HEMK1: variants seen among roughly 807,000 people sequenced by gnomAD.
HEMK1 encodes the protein MTRF1L release factor glutamine methyltransferase.
In HEMK1, 36 loss-of-function variants were observed where a neutral mutation model predicts 47.9. The ratio of observed to expected loss-of-function variants is 0.75; its 90% CI spans 0.58 to 0.99. The LOEUF (loss-of-function observed/expected upper bound fraction) is 0.99, where lower values mean the gene tolerates loss of function less well. Among genes scored for constraint, HEMK1 ranks in the 50% least tolerant of loss-of-function variants. HEMK1 has a pLI of 0.00. For missense variants in HEMK1, 383 were observed against 434.5 expected, an observed-to-expected ratio of 0.88 and a Z score of 1.05; for synonymous variants, 153 against 165.4, an observed-to-expected ratio of 0.93 and a Z score of 0.57.
At position 50,571,022 on chromosome 3, in the gene HEMK1, A is replaced by T; in HGVS notation, c.-83A>T. 9.2e-7 allele frequency: 1 copy of T among 1,084,360 alleles called. No individual in the cohort carries two copies. Among genetic ancestry groups the T allele is most frequent in the South Asian group, 1.6e-5 (1 of 62,208 alleles). 67.2% of individuals were successfully genotyped at this position (1,084,360 alleles called of 1,614,324 possible). A position where few individuals can be genotyped will look rare whatever the true frequency, so the allele number is the denominator to read the frequency against. On this transcript the variant is annotated 5_prime_UTR_variant, in exon 2 of 11. Coordinates refer to ENST00000232854, the MANE Select transcript of HEMK1 (RefSeq NM_016173.5). Reference sequence around the variant, plus strand: ...CTCCACCCAGCTGGGTCCAGGGGCCACTCTCAGCACTCACCTCAGCAGCTG... The same window carrying T: ...CTCCACCCAGCTGGGTCCAGGGGCCTCTCTCAGCACTCACCTCAGCAGCTG...
At chr3:50,578,971 G>T in intron 8 of HEMK1, 45 bp downstream of exon 8, 1 of 1,428,664 alleles carries the variant, frequency 7.0e-7, no homozygotes, top group Admixed American at 1.8e-5. Context: ...GAAAAGGCCT[G>T]ATGGGATTAG....
At position 50,572,106 on chromosome 3, in the gene HEMK1, C is replaced by T; in HGVS notation, c.321-9C>T. ...GTCCCTGATGACCACCCAGCTGCCC[C>T]CTCTGCAGGATGCCGGTGCAGTACA... is the stretch of plus-strand genomic sequence containing the variant. On this transcript the variant is annotated splice_polypyrimidine_tract_variant and intron_variant, in intron 3 of 10. Transcript: ENST00000232854. The T allele has an allele frequency of 1.2e-6, 2 of 1,613,846 alleles. No individual in the cohort carries two copies. The highest frequency in any genetic ancestry group is 1.7e-6 in the Non-Finnish European group (2 of 1,179,920).
chr3:50,578,905 A>C lies in HEMK1; in HGVS notation c.749A>C (p.Gln250Pro), dbSNP rs772633941. Residue 250 changes from glutamine (Q) to proline (P), a missense_variant, in exon 8 of 11, where the codon CAG (glutamine) becomes CCG (proline). Gln to Pro is a moderately conservative substitution (Grantham distance 76, BLOSUM62 -1). Transcript: ENST00000232854. ...PPYVFHQDME[Q>P]LAPEIRSYED... is the part of the protein sequence containing the mutation. ...TACGTCTTCCACCAGGACATGGAGC[A>C]GCTGGCCCCTGAGATCCGCAGGTGC... The C allele has an allele frequency of 1.9e-6, 3 of 1,612,490 alleles. No homozygotes were observed. In the South Asian group the frequency reaches 3.3e-5, roughly 18 times the overall value.
At chr3:50,570,790 A>G in intron 1 of HEMK1, 141 bp from the exon 2 acceptor site, 1 of 257,736 alleles carries the variant, frequency 3.9e-6, no homozygotes, top group Non-Finnish European at 7.4e-6. Flanking sequence ...CAAGACAAGA[A>G]TGATCAAATA....
intron 4 of HEMK1, among the ~76,000 whole-genome samples, chr3:50,573,221 A>G (rs1345079352): frequency 6.6e-6 from 1 of 152,104 alleles, no homozygotes; most frequent in African/African-American, 2.4e-5. Context: ...GGAAGGGAGC[A>G]TGGGGGCAGC....
chr3:50,590,809 A>G lies in HEMK1; in HGVS notation c.*10392A>G, dbSNP rs1328654379. Reference sequence around the variant, plus strand: ...TGGTTGCCCCAAGTACTCCATGAGTAGACATGGGCTAGGGACTTACCCAGG... The same window carrying G: ...TGGTTGCCCCAAGTACTCCATGAGTGGACATGGGCTAGGGACTTACCCAGG... On this transcript the variant is annotated 3_prime_UTR_variant, in exon 11 of 11. Transcript: ENST00000232854. 2 of 152,206 alleles carry G rather than the reference A, an allele frequency of 1.3e-5. No homozygotes were observed. Among genetic ancestry groups the G allele is most frequent in the African/African-American group, 2.4e-5 (1 of 41,438 alleles). The allele number at this position is 152,206 out of a possible 1,614,324, so 9.4% of individuals were successfully genotyped here. A position where few individuals can be genotyped will look rare whatever the true frequency, so the allele number is the denominator to read the frequency against.
rs1346278907 is a variant in HEMK1 at position 50,591,914 on chromosome 3, C to CA, written c.*11498dup. The CA allele has an allele frequency of 6.6e-6, 1 of 152,062 alleles. No individual in the cohort carries two copies. Among genetic ancestry groups the CA allele is most frequent in the Non-Finnish European group, 1.5e-5 (1 of 68,072 alleles). The allele number at this position is 152,062 out of a possible 1,614,324, so 9.4% of individuals were successfully genotyped here. A position where few individuals can be genotyped will look rare whatever the true frequency, so the allele number is the denominator to read the frequency against. On this transcript the variant is annotated 3_prime_UTR_variant, in exon 11 of 11. Coordinates refer to ENST00000232854, the MANE Select transcript of HEMK1 (RefSeq NM_016173.5). Reference sequence around the variant, plus strand: ...AGGAGATCGAGACCATCCTGACTAACACGGTGAAACCCTGTCTCTACTAAA... The same window carrying CA: ...AGGAGATCGAGACCATCCTGACTAACAACGGTGAAACCCTGTCTCTACTAAA...
intron 3 of HEMK1, 57 bp from the exon 4 acceptor site, chr3:50,572,058 A>G (rs1701038946): frequency 6.2e-7 from 1 of 1,609,688 alleles, no homozygotes; most frequent in Non-Finnish European, 8.5e-7. Flanking sequence ...CAACCCAGGC[A>G]TGGTCCTGTT....
rs2031960086 is a variant in HEMK1, at chr3:50,596,135, A to C, written c.*15718A>C. On this transcript the variant is annotated 3_prime_UTR_variant, in exon 11 of 11. Transcript: ENST00000232854. ...CCTTAGAGTGTATCACAAACATACA[A>C]GTGATCAATTTCCAATAAATTGATT... 1 of 152,208 alleles carries C rather than the reference A, an allele frequency of 6.6e-6. No individual in the cohort carries two copies. Among genetic ancestry groups the C allele is most frequent in the African/African-American group, 2.4e-5 (1 of 41,456 alleles). 9.4% of individuals were successfully genotyped at this position (152,208 alleles called of 1,614,324 possible).
In HEMK1 at chr3:50,589,365, A is replaced by T. The variant is rs1197201128; in HGVS notation, c.*8948A>T. Reference sequence around the variant, plus strand: ...CTCTGAGCACATAGGAAGGATTCTAATGTGTCATAATTTGGTGCTGTGCCC... The same window carrying T: ...CTCTGAGCACATAGGAAGGATTCTATTGTGTCATAATTTGGTGCTGTGCCC... On this transcript the variant is annotated 3_prime_UTR_variant, in exon 11 of 11. Coordinates refer to ENST00000232854, the MANE Select transcript of HEMK1 (RefSeq NM_016173.5). 2 of 152,068 alleles carry T rather than the reference A, an allele frequency of 1.3e-5. No homozygotes were observed. The highest frequency in any genetic ancestry group is 1.3e-4 in the Admixed American group (2 of 15,288). 9.4% of individuals were successfully genotyped at this position (152,068 alleles called of 1,614,324 possible).
In HEMK1 at chr3:50,581,685, C is replaced by T. The variant is rs1316056249; in HGVS notation, c.*1268C>T. On this transcript the variant is annotated 3_prime_UTR_variant, in exon 11 of 11. Coordinates refer to ENST00000232854, the MANE Select transcript of HEMK1 (RefSeq NM_016173.5). ...GGAGAGCAAGAGAAGGTATGTACTG[C>T]CTGAGGTCACATGACAGTGACCAAG... The T allele has an allele frequency of 6.6e-6, 1 of 152,266 alleles. No homozygotes were observed. Among genetic ancestry groups the T allele is most frequent in the African/African-American group, 2.4e-5 (1 of 41,462 alleles). The allele number at this position is 152,266 out of a possible 1,614,324, so 9.4% of individuals were successfully genotyped here. A position where few individuals can be genotyped will look rare whatever the true frequency, so the allele number is the denominator to read the frequency against.
intron 4 of HEMK1, 61 bp downstream of exon 4, chr3:50,572,269 T>G (rs1307945994): frequency 1.3e-6 from 2 of 1,568,508 alleles, no homozygotes; most frequent in African/African-American, 2.7e-5. Context: ...GGCACCAGTC[T>G]TACCCCAGGC....
In HEMK1 at chr3:50,581,848, C is replaced by T. The variant is rs1373181361; in HGVS notation, c.*1431C>T. 6.6e-6 allele frequency: 1 copy of T among 152,380 alleles called. No individual in the cohort carries two copies. The highest frequency in any genetic ancestry group is 6.5e-5 in the Admixed American group (1 of 15,288). The allele number at this position is 152,380 out of a possible 1,614,324, so 9.4% of individuals were successfully genotyped here. A position where few individuals can be genotyped will look rare whatever the true frequency, so the allele number is the denominator to read the frequency against. ...CTGCAGCTCCCAGTGCCCCAGTGTC[C>T]TGCCCTGTGCCCAGCCCCAGCTGCA... is the stretch of plus-strand genomic sequence containing the variant. On this transcript the variant is annotated 3_prime_UTR_variant, in exon 11 of 11. Coordinates refer to ENST00000232854, the MANE Select transcript of HEMK1 (RefSeq NM_016173.5).
At position 50,571,042 on chromosome 3, in the gene HEMK1, C is replaced by A; in HGVS notation, c.-63C>A. On this transcript the variant is annotated 5_prime_UTR_variant, in exon 2 of 11. Coordinates refer to ENST00000232854, the MANE Select transcript of HEMK1 (RefSeq NM_016173.5). ...GGGCCACTCTCAGCACTCACCTCAG[C>A]AGCTGACATCATAAAGCAGACTTGG... is the stretch of plus-strand genomic sequence containing the variant. 2 of 1,305,448 alleles carry A rather than the reference C, an allele frequency of 1.5e-6. No individual in the cohort carries two copies. The highest frequency in any genetic ancestry group is 1.1e-6 in the Non-Finnish European group (1 of 940,122). The allele number at this position is 1,305,448 out of a possible 1,614,324, so 80.9% of individuals were successfully genotyped here.
At chr3:50,573,193 A>T (rs1268289769) in intron 4 of HEMK1, among the ~76,000 whole-genome samples, 4 of 151,912 alleles carry the variant, frequency 2.6e-5, no homozygotes, top group Non-Finnish European at 5.9e-5. Context: ...GGCCTTGCTG[A>T]AGTCACAGGG....
Position 50,591,786 on chromosome 3 carries a change from GC to G in HEMK1, c.*11373del, listed in dbSNP as rs1428806141. ...CAGAGCCCATGTAAGCTCAAACACTGCCCCATGTCATAGAAAAGAGGGCCAA... is the reference window on the plus strand; with the variant it reads ...CAGAGCCCATGTAAGCTCAAACACTGCCCATGTCATAGAAAAGAGGGCCAA... On this transcript the variant is annotated 3_prime_UTR_variant, in exon 11 of 11. Coordinates refer to ENST00000232854, the MANE Select transcript of HEMK1 (RefSeq NM_016173.5). 1 of 151,732 alleles carries G rather than the reference GC, an allele frequency of 6.6e-6. No individual in the cohort carries two copies. The highest frequency in any genetic ancestry group is 1.5e-5 in the Non-Finnish European group (1 of 68,044). 9.4% of individuals were successfully genotyped at this position (151,732 alleles called of 1,614,324 possible).
At position 50,592,415 on chromosome 3, in the gene HEMK1, G is replaced by A. The variant is rs2031771498; in HGVS notation, c.*11998G>A. The A allele has an allele frequency of 6.6e-6, 1 of 152,106 alleles. No individual in the cohort carries two copies. The highest frequency in any genetic ancestry group is 1.5e-5 in the Non-Finnish European group (1 of 68,030). The allele number at this position is 152,106 out of a possible 1,614,324, so 9.4% of individuals were successfully genotyped here. On this transcript the variant is annotated 3_prime_UTR_variant, in exon 11 of 11. Transcript: ENST00000232854. ...CTTTGCTTAGCTGTACTGGGCACCT[G>A]GAACTCATTCTCCCTGCCACCCTCC... is the stretch of plus-strand genomic sequence containing the variant.
intron 4 of HEMK1, among the ~76,000 whole-genome samples, chr3:50,574,774 G>C (rs1175196230): frequency 4.6e-5 from 7 of 152,162 alleles, no homozygotes; most frequent in Non-Finnish European, 7.4e-5. Flanking sequence ...GGGCTGGTGA[G>C]AGCTAGTGAA....
At position 50,583,488 on chromosome 3, in the gene HEMK1, C is replaced by T. The variant is rs1353491554; in HGVS notation, c.*3071C>T. 6.6e-6 allele frequency: 1 copy of T among 152,232 alleles called. No homozygotes were observed. Among genetic ancestry groups the T allele is most frequent in the South Asian group, 2.1e-4 (1 of 4,832 alleles). The allele number at this position is 152,232 out of a possible 1,614,324, so 9.4% of individuals were successfully genotyped here. A position where few individuals can be genotyped will look rare whatever the true frequency, so the allele number is the denominator to read the frequency against. ...AAGCCCTGGGGGCCCCTCCCAAGGC[C>T]CCATCAGTGCTCTGAGTAGGCTGTC... On this transcript the variant is annotated 3_prime_UTR_variant, in exon 11 of 11. Coordinates refer to ENST00000232854, the MANE Select transcript of HEMK1 (RefSeq NM_016173.5).
Sources: allele counts gnomAD v4.1 joint callset (sites outside exome capture counted in the v4.1 genomes callset), GRCh38; gene constraint gnomAD v4.1.1; transcripts MANE v1.5; gene names NCBI Gene and HGNC (gene_info 2026-07-23, HGNC 2026-07-21).